The following POMK variants were observed in gnomAD, a reference collection of about 807,000 sequenced individuals.
POMK encodes the protein Sugen kinase 196.
POMK carries 19 observed loss-of-function variants against 23.0 expected under a neutral mutation model. The ratio of observed to expected loss-of-function variants is 0.83; its 90% CI spans 0.58 to 1.21. The LOEUF (loss-of-function observed/expected upper bound fraction) is 1.21, where lower values mean the gene tolerates loss of function less well. Among genes scored for constraint, POMK ranks in the 50% most tolerant of loss-of-function variants. The probability of loss-of-function intolerance (pLI) is 0.00; values close to 1 mark genes in which losing one functional copy is unlikely to be tolerated. For missense variants in POMK, 410 were observed against 431.3 expected (o/e 0.95, Z 0.44); for synonymous variants, 173 against 171.6 (o/e 1.01, Z -0.06).
intron 4 of POMK, among the ~76,000 whole-genome samples, chr8:43,115,739 A>G (rs183662975): frequency 9.8e-4 from 149 of 152,310 alleles, no homozygotes; most frequent in African/African-American, 3.2e-3. Flanking sequence ...TATTGGTCAA[A>G]TAGTGTCATT....
chr8:43,115,884 G>T (rs943833228), intron 4 of POMK, among the ~76,000 whole-genome samples: 3 of 152,200 alleles, frequency 2.0e-5, no homozygotes, highest in Non-Finnish European at 4.4e-5. Context: ...GTCTACTCCA[G>T]CATCAGAGCC....
At chr8:43,100,068 C>T (rs1289715000) in intron 2 of POMK, among the ~76,000 whole-genome samples, 1 of 152,138 alleles carries the variant, frequency 6.6e-6, no homozygotes, top group East Asian at 1.9e-4. Flanking sequence ...GGGCACAGGG[C>T]AGGAGTCCTT....
chr8:43,095,990 G>A (rs1811326797), intron 1 of POMK, among the ~76,000 whole-genome samples: 1 of 152,032 alleles, frequency 6.6e-6, no homozygotes, highest in Non-Finnish European at 1.5e-5. Flanking sequence ...AGCGGATTCC[G>A]TGGAGCGAAC....
chr8:43,102,816 C>T (rs1457768626), intron 3 of POMK, among the ~76,000 whole-genome samples: 1 of 152,212 alleles, frequency 6.6e-6, no homozygotes, highest in Non-Finnish European at 1.5e-5. Flanking sequence ...CATGGCCTTG[C>T]ACGGCTCCAG....
At chr8:43,117,650 C>G (rs1003165307) in intron 4 of POMK, among the ~76,000 whole-genome samples, 2 of 152,176 alleles carry the variant, frequency 1.3e-5, no homozygotes, top group Admixed American at 6.6e-5. Flanking sequence ...CTTTTGACAG[C>G]AGAAATACAG....
intron 1 of POMK, among the ~76,000 whole-genome samples, chr8:43,096,144 T>C (rs7001861): frequency 0.88 from 133,380 of 152,148 alleles, 59,233 homozygotes; most frequent in Non-Finnish European, 0.96. Flanking sequence ...GCAGGCAGGC[T>C]TCTTGGTGCT....
At position 43,100,510 on chromosome 8, in the gene POMK, T is replaced by C. The variant is rs181679123; in HGVS notation, c.-117-1995T>C. ...ATGGGGGTGTGTATGGTGTTAGTGC[T>C]GTGTGTGTGTCTGTGGGGGCCTGCA... is the stretch of plus-strand genomic sequence containing the variant. On this transcript the variant is annotated intron_variant, in intron 2 of 4. Transcript: ENST00000331373. Among the ~76,000 whole-genome samples, 570 of 151,232 alleles carry C rather than the reference T, an allele frequency of 3.8e-3. 4 individuals carry two copies. Among genetic ancestry groups the C allele is most frequent in the African/African-American group, 0.014 (558 of 41,182 alleles).
intron 4 of POMK, among the ~76,000 whole-genome samples, chr8:43,112,177 T>TA (rs984818831): frequency 1.3e-5 from 2 of 152,098 alleles, no homozygotes; most frequent in East Asian, 3.9e-4. Context: ...GAAAAAAAAT[T>TA]AGACGAATGG....
chr8:43,112,760 C>T (rs1209991026), intron 4 of POMK, among the ~76,000 whole-genome samples: 1 of 152,212 alleles, frequency 6.6e-6, no homozygotes, highest in East Asian at 1.9e-4. Context: ...GGCCAATATT[C>T]AACATTCTTA....
At chr8:43,104,492 A>G (rs1811508687) in intron 4 of POMK, among the ~76,000 whole-genome samples, 1 of 152,240 alleles carries the variant, frequency 6.6e-6, no homozygotes, top group Non-Finnish European at 1.5e-5. Context: ...AGTTCATTAA[A>G]TGATGGTCCA....
At chr8:43,096,897 CTGTT>C (rs1404861275) in intron 1 of POMK, among the ~76,000 whole-genome samples, 1 of 152,168 alleles carries the variant, frequency 6.6e-6, no homozygotes, top group Non-Finnish European at 1.5e-5. Flanking sequence ...CAGCCCATCA[CTGTT>C]TGTATAAAGC....
Position 43,123,354 on chromosome 8 carries a change from C to T in POMK, c.*477C>T, listed in dbSNP as rs767412412. ...TATGCCTGGCCAGTTGTTAGATTTCCATGGATTTGTAGTTTCCAAAGTTTC... is the reference window on the plus strand; with the variant it reads ...TATGCCTGGCCAGTTGTTAGATTTCTATGGATTTGTAGTTTCCAAAGTTTC... On this transcript the variant is annotated 3_prime_UTR_variant, in exon 5 of 5. Coordinates refer to ENST00000331373, the MANE Select transcript of POMK (RefSeq NM_032237.5). 2 of 153,774 alleles carry T rather than the reference C, an allele frequency of 1.3e-5. No homozygotes were observed. Among genetic ancestry groups the T allele is most frequent in the Non-Finnish European group, 2.9e-5 (2 of 69,146 alleles). The allele number at this position is 153,774 out of a possible 1,614,324, so 9.5% of individuals were successfully genotyped here.
At chr8:43,112,293 G>A (rs1352755582) in intron 4 of POMK, among the ~76,000 whole-genome samples, 1 of 152,160 alleles carries the variant, frequency 6.6e-6, no homozygotes, top group African/African-American at 2.4e-5. Context: ...TAACCTATGC[G>A]ATCAACTGGA....
intron 3 of POMK, 39 bp from the exon 4 acceptor site, chr8:43,103,489 G>A: frequency 6.3e-7 from 1 of 1,589,130 alleles, no homozygotes; most frequent in Non-Finnish European, 8.6e-7. Context: ...GGAAGTGAAA[G>A]CTGACTGTCA....
Position 43,122,963 on chromosome 8 carries a change from G to C in POMK, c.*86G>C. The stretch of plus-strand genomic sequence containing the variant: ...TCTGATGGTGGAGTTTTTTGCCTGA[G>C]TTTCGTGTTTTATTGTTTTTTTTAT... On this transcript the variant is annotated 3_prime_UTR_variant, in exon 5 of 5. Coordinates refer to ENST00000331373, the MANE Select transcript of POMK (RefSeq NM_032237.5). 7.8e-7 allele frequency: 1 copy of C among 1,279,240 alleles called. No homozygotes were observed. Among genetic ancestry groups the C allele is most frequent in the Non-Finnish European group, 1.1e-6 (1 of 932,730 alleles). 79.2% of individuals were successfully genotyped at this position (1,279,240 alleles called of 1,614,324 possible).
rs1811491945 is a variant in POMK at position 43,103,723 on chromosome 8, C to T, written c.175C>T (p.His59Tyr). Reference protein sequence around the residue: ...TVDPTHCPYGHFRIGQMKNCS... With the variant: ...TVDPTHCPYGYFRIGQMKNCS... ...GGACCCCACACACTGTCCCTATGGT[C>T]ACTTCAGGATAGGACAGATGAAAAA... Residue 59 changes from histidine to tyrosine, a missense_variant, in exon 4 of 5, where the codon CAC (histidine) becomes TAC (tyrosine). Physicochemically the swap from His to Tyr is moderately conservative, Grantham distance 83. Coordinates refer to ENST00000331373, the MANE Select transcript of POMK (RefSeq NM_032237.5). 1 of 1,614,158 alleles carries T rather than the reference C, an allele frequency of 6.2e-7. No homozygotes were observed. Among genetic ancestry groups the T allele is most frequent in the African/African-American group, 1.3e-5 (1 of 75,040 alleles).
intron 1 of POMK, among the ~76,000 whole-genome samples, chr8:43,094,792 C>T (rs1374837846): frequency 6.6e-6 from 1 of 152,138 alleles, no homozygotes; most frequent in Non-Finnish European, 1.5e-5. Flanking sequence ...CAGTGGGTCC[C>T]AAGCCTTTCT....
At chr8:43,118,345 C>G (rs531218762) in intron 4 of POMK, among the ~76,000 whole-genome samples, 44 of 152,162 alleles carry the variant, frequency 2.9e-4, no homozygotes, top group Non-Finnish European at 1.8e-4. Context: ...ACAGCAAACC[C>G]AAATGCTGTT....
intron 4 of POMK, among the ~76,000 whole-genome samples, chr8:43,112,457 CG>C (rs1405376083): frequency 3.9e-5 from 6 of 152,022 alleles, no homozygotes; most frequent in Non-Finnish European, 2.9e-5. Flanking sequence ...CTGAAGGTGA[CG>C]GGGAGAATGG....
Sources: gnomAD v4.1 joint callset for allele counts (sites outside exome capture counted in the v4.1 genomes callset) on GRCh38, gnomAD v4.1.1 for gene constraint, MANE v1.5 for transcripts, NCBI Gene and HGNC (gene_info 2026-07-23, HGNC 2026-07-21) for gene names.